The following ABCA9 variants were observed in gnomAD, a reference collection of about 807,000 sequenced individuals.
ABCA9 encodes the protein ATP-binding cassette sub-family A member 9.
Under a neutral mutation model 205.3 loss-of-function variants are expected in ABCA9, and 183 were observed. That is an observed-to-expected ratio of 0.89 (90% CI 0.79 to 1.01). The LOEUF is 1.01. Ranked by LOEUF, ABCA9 falls within the 50% of genes least tolerant of loss-of-function variation. The pLI is 0.00. For synonymous variants in ABCA9, 651 were observed against 683.3 expected (o/e 0.95, Z 0.74); for missense variants, 1,805 against 1,912.4 (o/e 0.94, Z 1.05).
chr17:69,045,489 T>G, intron 3 of ABCA9, among the ~76,000 whole-genome samples, 153 bp from the exon 4 acceptor site: 1 of 142,162 alleles, frequency 7.0e-6, no homozygotes, highest in African/African-American at 2.5e-5. Flanking sequence ...GGGTGGGAAT[T>G]TCTGATGTTC....
chr17:69,049,639 T>G, intron 2 of ABCA9, 149 bp from the exon 3 acceptor site: 1 of 682,900 alleles, frequency 1.5e-6, no homozygotes, highest in South Asian at 2.4e-5. Context: ...CTGATTTTCT[T>G]TGTCCATTAA....
rs535982587 is a variant in ABCA9, at chr17:68,991,480, G to A, written c.3717-523C>T. Among the ~76,000 whole-genome samples the A allele has an allele frequency of 3.9e-5, 6 of 152,188 alleles. No individual in the cohort carries two copies. In the East Asian group the frequency reaches 5.8e-4, roughly 15 times the overall value. On this transcript the variant is annotated intron_variant, in intron 28 of 38. Coordinates refer to ENST00000340001, the MANE Select transcript of ABCA9 (RefSeq NM_080283.4). ...ACTCTTTCCTCTCTGCTACAGACTC[G>A]TTCTTGCCTTCATCATCCCACCATT...
chr17:69,021,786 T>G lies in ABCA9; in HGVS notation c.2357A>C (p.Glu786Ala), dbSNP rs1487508588. Residue 786 changes from glutamate to alanine, a missense_variant, in exon 18 of 39, where the codon GAG becomes GCG. Glu to Ala is a moderately radical substitution (Grantham distance 107). Transcript: ENST00000340001. Reference sequence around the variant, plus strand: ...TTTTCCTTCTAATTTCAGAAACACCTCATTCAAAGTTGTTATGGAAACACC... The same window carrying G: ...TTTTCCTTCTAATTTCAGAAACACCGCATTCAAAGTTGTTATGGAAACACC... ...DYGVSITTLN[E>A]VFLKLEGKST... 3 of 1,595,994 alleles carry G rather than the reference T, an allele frequency of 1.9e-6. No homozygotes were observed. The highest frequency in any genetic ancestry group is 2.6e-6 in the Non-Finnish European group (3 of 1,170,550).
rs1483286230 is a variant in ABCA9, at chr17:69,020,533, G to C, written c.2455C>G (p.Leu819Val). ...GACAAAACTTGTTCCAGCTCAACAA[G>C]GCTTCCTATATCTTTTGCCCCATCA... Reference protein sequence around the residue: ...QTDGAKDIGSLVELEQVLSSF... With the variant: ...QTDGAKDIGSVVELEQVLSSF... The change falls in exon 19 of 39, where the codon CTT becomes GTT. Residue 819 changes from leucine (L) to valine (V), a missense_variant. Physicochemically the swap from Leu to Val is conservative, Grantham distance 32 (BLOSUM62 1). Coordinates refer to ENST00000340001, the MANE Select transcript of ABCA9 (RefSeq NM_080283.4). The C allele has an allele frequency of 6.2e-7, 1 of 1,613,858 alleles. No homozygotes were observed. The highest frequency in any genetic ancestry group is 1.3e-5 in the African/African-American group (1 of 74,900).
rs369931231 is a variant in ABCA9, at chr17:69,043,654, A to G, written c.635T>C (p.Ile212Thr). Residue 212 changes from isoleucine to threonine, a missense_variant, in exon 6 of 39, where the codon ATA (isoleucine) becomes ACA (threonine). Transcript: ENST00000340001. ...LMSVTGVHMK[I>T]LPFVAQGGVA... ...TCCTCCTTGGGCAACAAAAGGTAAT[A>G]TCTTCATATGTACACCAGTAACTGA... 2.5e-6 allele frequency: 4 copies of G among 1,613,672 alleles called. No individual in the cohort carries two copies. The African/African-American group carries it at 4.0e-5, about 16-fold the overall frequency.
chr17:68,987,774 G>T (rs7220623), intron 31 of ABCA9, among the ~76,000 whole-genome samples: 83,949 of 140,810 alleles, frequency 0.6, 25,488 homozygotes, highest in Middle Eastern at 0.69. Context: ...TTGTTTTTTT[G>T]TTTGAGATGG....
rs1318044249 is a variant in ABCA9, at chr17:68,990,699, C to G, written c.3837+138G>C. Reference sequence around the variant, plus strand: ...CTCTTACATTTGTGGGCCTTGCATACCTGCTGAAGTCAAGTAATAAGCTGT... The same window carrying G: ...CTCTTACATTTGTGGGCCTTGCATAGCTGCTGAAGTCAAGTAATAAGCTGT... On this transcript the variant is annotated intron_variant, in intron 29 of 38. Transcript: ENST00000340001. 7 of 1,028,446 alleles carry G rather than the reference C, an allele frequency of 6.8e-6. No individual in the cohort carries two copies. The East Asian group carries it at 1.9e-4, about 28-fold the overall frequency. 63.7% of individuals were successfully genotyped at this position (1,028,446 alleles called of 1,614,324 possible).
chr17:69,051,110 A>C lies in ABCA9; in HGVS notation c.17T>G (p.Met6Arg). 7 of 1,613,602 alleles carry C rather than the reference A, an allele frequency of 4.3e-6. No homozygotes were observed. Among genetic ancestry groups the C allele is most frequent in the Non-Finnish European group, 5.9e-6 (7 of 1,179,770 alleles). The stretch of plus-strand genomic sequence containing the variant: ...AGCCCATGTTTGCTGACCCACGCTC[A>C]TGCGTCTCTTGCTCATTTTGACCTG... MSKRR[M>R]SVGQQTWALL... The change falls in exon 2 of 39, where the codon ATG becomes AGG. Residue 6 changes from methionine to arginine, a missense_variant. By Grantham distance (91) the Met-to-Arg change is moderately conservative. Coordinates refer to ENST00000340001, the MANE Select transcript of ABCA9 (RefSeq NM_080283.4).
At position 69,017,696 on chromosome 17, in the gene ABCA9, G is replaced by A. The variant is rs1227376390; in HGVS notation, c.2861C>T (p.Pro954Leu). 1.9e-6 allele frequency: 3 copies of A among 1,613,204 alleles called. No homozygotes were observed. In the African/African-American group the frequency reaches 4.0e-5, roughly 22 times the overall value. The change falls in exon 21 of 39, where the codon CCA becomes CTA. Residue 954 changes from proline (P) to leucine (L), a missense_variant. Transcript: ENST00000340001. ...AFGTRNGTDD[P>L]SYNGAIIVSG... ...CACAATGATAGCACCATTGTAAGAT[G>A]GGTCATCTGTGCCATTTCTAGTTCC...
At chr17:69,021,685 C>CTTCA in intron 18 of ABCA9, 57 bp downstream of exon 18, 2 of 1,054,402 alleles carry the variant, frequency 1.9e-6, no homozygotes, top group Admixed American at 2.5e-5. Context: ...TTCGTCCTTC[C>CTTCA]TTCCTTCCTT....
chr17:69,026,963 A>G lies in ABCA9; in HGVS notation c.2050+13T>C, dbSNP rs2071011985. ...ACCTCTCATGAAGATACATAAGAGA[A>G]ACAAAAAATTACCCGCCAGAATGTC... On this transcript the variant is annotated intron_variant, in intron 15 of 38. Coordinates refer to ENST00000340001, the MANE Select transcript of ABCA9 (RefSeq NM_080283.4). 1 of 1,613,518 alleles carries G rather than the reference A, an allele frequency of 6.2e-7. No individual in the cohort carries two copies. Among genetic ancestry groups the G allele is most frequent in the African/African-American group, 1.3e-5 (1 of 74,898 alleles).
chr17:68,992,189 C>T lies in ABCA9; in HGVS notation c.3702G>A (p.Lys1234=), dbSNP rs1327101402. Residue 1234 remains lysine (K), a synonymous_variant, in exon 28 of 39, where the codon AAG becomes AAA. Coordinates refer to ENST00000340001, the MANE Select transcript of ABCA9 (RefSeq NM_080283.4). ...EMNCRKKLMR[K]DPVFRISPRS... is the part of the protein sequence containing the mutation. ...ATTTTCTCAACCTGAACACAGGATC[C>T]TTTCTCATTAGTTTCTTCCTGCAGT... The T allele has an allele frequency of 2.5e-6, 4 of 1,587,320 alleles. No individual in the cohort carries two copies. In the Admixed American group the frequency reaches 7.1e-5, roughly 28 times the overall value.
At chr17:69,024,456 A>G in intron 16 of ABCA9, 103 bp from the exon 17 acceptor site, 2 of 1,164,284 alleles carry the variant, frequency 1.7e-6, no homozygotes, top group South Asian at 1.8e-5. Flanking sequence ...TATTTATGAG[A>G]CAAAAAAATG....
intron 21 of ABCA9, 141 bp downstream of exon 21, chr17:69,017,515 T>C (rs1168409886): frequency 9.3e-6 from 8 of 863,010 alleles, no homozygotes; most frequent in Non-Finnish European, 1.4e-5. Context: ...GAAATAATTG[T>C]AGTCCAGCTT....
intron 23 of ABCA9, among the ~76,000 whole-genome samples, chr17:69,010,860 C>G (rs1049899899): frequency 2.0e-5 from 3 of 152,050 alleles, no homozygotes; most frequent in Admixed American, 6.6e-5. Context: ...GACAATAGTG[C>G]CATTTGCTAA....
chr17:68,977,001 C>T (rs1731954034), intron 37 of ABCA9, among the ~76,000 whole-genome samples: 1 of 151,676 alleles, frequency 6.6e-6, no homozygotes, highest in Admixed American at 6.6e-5. Context: ...TTTCCTTGGA[C>T]ATAGGACTAG....
At chr17:68,996,128 C>CA (rs2069616795) in intron 25 of ABCA9, 114 bp from the exon 26 acceptor site, 2 of 1,076,574 alleles carry the variant, frequency 1.9e-6, no homozygotes, top group Non-Finnish European at 2.6e-6. Context: ...TTTCACTCCC[C>CA]AAACCAGTAT....
In ABCA9 at chr17:69,016,490, T is replaced by A. The variant is rs537870807; in HGVS notation, c.2902-100A>T. ...ATCATTCAAGTTACTGATAATATAA[T>A]AAGTCCCAAGCACTGAATGTGATTA... On this transcript the variant is annotated intron_variant, in intron 21 of 38. Transcript: ENST00000340001. 2.4e-4 allele frequency: 262 copies of A among 1,113,586 alleles called. 1 individual carries two copies. The African/African-American group carries it at 4.0e-3, about 17-fold the overall frequency. 69.0% of individuals were successfully genotyped at this position (1,113,586 alleles called of 1,614,324 possible).
At chr17:69,003,656 C>T (rs7222904) in intron 25 of ABCA9, among the ~76,000 whole-genome samples, 14,660 of 148,242 alleles carry the variant, frequency 0.099, 1,398 homozygotes, top group African/African-American at 0.25. Context: ...TGAATCTGAA[C>T]GTTGGCCTGC....
Sources: allele counts gnomAD v4.1 joint callset (sites outside exome capture counted in the v4.1 genomes callset), GRCh38; gene constraint gnomAD v4.1.1; transcripts MANE v1.5; gene names NCBI Gene and HGNC (gene_info 2026-07-23, HGNC 2026-07-21).